LRP2: variants seen among roughly 807,000 people sequenced by gnomAD.
LRP2 encodes the protein LDL receptor related protein 2.
LRP2 carries 172 observed loss-of-function variants against 531.0 expected under a neutral mutation model. That is an observed-to-expected ratio of 0.32 (90% CI 0.29 to 0.37). LRP2 has a LOEUF of 0.37. Among genes scored for constraint, LRP2 ranks in the 10% least tolerant of loss-of-function variants. The pLI is 1.00. For synonymous variants in LRP2, 1,992 were observed against 2,027.6 expected (o/e 0.98, Z 0.47); for missense variants, 5,167 against 5,868.3 (o/e 0.88, Z 3.90).
chr2:169,261,840 C>T (rs980420565), intron 16 of LRP2, among the ~76,000 whole-genome samples: 6 of 152,002 alleles, frequency 3.9e-5, no homozygotes, highest in Admixed American at 3.9e-4. Context: ...ATGCAAAGAT[C>T]CTCAATAAAA....
rs572020855 is a variant in LRP2 at position 169,131,781 on chromosome 2, G to A, written c.13728+793C>T. Among the ~76,000 whole-genome samples the A allele has an allele frequency of 4.6e-5, 7 of 152,312 alleles. No homozygotes were observed. The South Asian group carries it at 6.2e-4, about 14-fold the overall frequency. On this transcript the variant is annotated intron_variant, in intron 77 of 78. Transcript: ENST00000649046. ...TCAATATGCCAATAGCGCCCCCAGT[G>A]AGAAATATTATTGAGGACTCTAGCC...
At chr2:169,215,765 A>ATATAGATCATATATAGAATCTATATAGAT (rs1688763770) in intron 35 of LRP2, among the ~76,000 whole-genome samples, 2 of 146,990 alleles carry the variant, frequency 1.4e-5, no homozygotes, top group Admixed American at 6.8e-5. Context: ...CATATATAGA[A>ATATAGATCATATATAGAATCTATATAGAT]TCTATATAGA....
chr2:169,203,596 C>G (rs1467431892), intron 42 of LRP2, among the ~76,000 whole-genome samples: 1 of 152,210 alleles, frequency 6.6e-6, no homozygotes, highest in East Asian at 1.9e-4. Flanking sequence ...CCCGTCTCTA[C>G]TAAAAATACA....
In LRP2 at chr2:169,219,055, G is replaced by A. The variant is rs543158457; in HGVS notation, c.5648+1399C>T. ...AAAGGTACACAATGCAGAAATGTCTGATAAACGAAAAACAAATAATGAGTG... is the reference window on the plus strand; with the variant it reads ...AAAGGTACACAATGCAGAAATGTCTAATAAACGAAAAACAAATAATGAGTG... On this transcript the variant is annotated intron_variant, in intron 34 of 78. Coordinates refer to ENST00000649046, the MANE Select transcript of LRP2 (RefSeq NM_004525.3). Among the ~76,000 whole-genome samples, 8 of 152,302 alleles carry A rather than the reference G, an allele frequency of 5.3e-5. No homozygotes were observed. In the South Asian group the frequency reaches 1.7e-3, roughly 32 times the overall value.
chr2:169,178,548 C>T (rs1287077090), intron 52 of LRP2, among the ~76,000 whole-genome samples: 3 of 152,182 alleles, frequency 2.0e-5, no homozygotes, highest in Non-Finnish European at 4.4e-5. Context: ...AACTTACAGG[C>T]CTGCAGGGTT....
chr2:169,243,045 T>C lies in LRP2; in HGVS notation c.3578A>G (p.Lys1193Arg). 1 of 1,613,936 alleles carries C rather than the reference T, an allele frequency of 6.2e-7. No homozygotes were observed. The highest frequency in any genetic ancestry group is 8.5e-7 in the Non-Finnish European group (1 of 1,179,846). ...AATACATTTATCCCCACTGGCACAC[T>C]TGAATTGAGAAGCAGTACAGTTTAA... Reference protein sequence around the residue: ...CVLNCTASQFKCASGDKCIGV... With the variant: ...CVLNCTASQFRCASGDKCIGV... Residue 1193 changes from lysine to arginine, a missense_variant, in exon 24 of 79, where the codon AAG becomes AGG. Lys to Arg is a conservative substitution (Grantham distance 26, BLOSUM62 2). This residue lies in a region of LRP2 where 2,811 missense variants were observed against 3,058.0 expected (regional missense o/e 0.92). Coordinates refer to ENST00000649046, the MANE Select transcript of LRP2 (RefSeq NM_004525.3).
intron 66 of LRP2, among the ~76,000 whole-genome samples, chr2:169,153,866 A>G (rs1010352645): frequency 2.6e-5 from 4 of 152,176 alleles, no homozygotes; most frequent in Admixed American, 6.5e-5. Context: ...TCATTCAACT[A>G]AATTTTTTGA....
At chr2:169,272,251 C>T (rs1683436759) in intron 15 of LRP2, among the ~76,000 whole-genome samples, 1 of 151,856 alleles carries the variant, frequency 6.6e-6, no homozygotes, top group Non-Finnish European at 1.5e-5. Flanking sequence ...TAGCTGGGGC[C>T]CAGGCGATGG....
chr2:169,361,523 C>G (rs1381245666), intron 1 of LRP2, among the ~76,000 whole-genome samples: 3 of 151,902 alleles, frequency 2.0e-5, no homozygotes. Flanking sequence ...GTTTTATTCT[C>G]TCCGCTTCTT....
chr2:169,161,207 TTC>T (rs1686574496), intron 63 of LRP2, among the ~76,000 whole-genome samples: 1 of 152,210 alleles, frequency 6.6e-6, no homozygotes, highest in African/African-American at 2.4e-5. Flanking sequence ...GCCTCTGACA[TTC>T]TGTGTGACCA....
At chr2:169,308,465 A>T (rs1041050192) in intron 3 of LRP2, among the ~76,000 whole-genome samples, 16 of 152,294 alleles carry the variant, frequency 1.1e-4, no homozygotes, top group African/African-American at 3.9e-4. Context: ...GAGTGAGAAC[A>T]TGCGGTGTTT....
At chr2:169,200,823 G>A (rs913683227) in intron 44 of LRP2, among the ~76,000 whole-genome samples, 1 of 152,026 alleles carries the variant, frequency 6.6e-6, no homozygotes, top group Non-Finnish European at 1.5e-5. Flanking sequence ...AGAAATAATG[G>A]GTTTACGGAA....
At chr2:169,352,818 AG>A (rs1280808647) in intron 1 of LRP2, among the ~76,000 whole-genome samples, 10 of 21,504 alleles carry the variant, frequency 4.7e-4, no homozygotes, top group Admixed American at 1.2e-3. Flanking sequence ...ACATGGTCAC[AG>A]GGGGGGGAAC....
rs372200860 is a variant in LRP2, at chr2:169,140,417, G to A, written c.13199+38C>T. ...AAGGTCTCAAATTTCCCCAGAAGAG[G>A]CAAGGCCTATAGCTGGGACCTCAAC... On this transcript the variant is annotated intron_variant, in intron 72 of 78. Coordinates refer to ENST00000649046, the MANE Select transcript of LRP2 (RefSeq NM_004525.3). 3.2e-5 allele frequency: 49 copies of A among 1,535,152 alleles called. No homozygotes were observed. The South Asian group carries it at 5.4e-4, about 17-fold the overall frequency.
intron 21 of LRP2, among the ~76,000 whole-genome samples, chr2:169,246,335 G>A (rs1489155616): frequency 6.6e-6 from 1 of 152,040 alleles, no homozygotes; most frequent in African/African-American, 2.4e-5. Context: ...TCAAACTTCT[G>A]GACTTAAGCA....
chr2:169,168,021 A>ATG, intron 61 of LRP2, among the ~76,000 whole-genome samples: 1 of 68,084 alleles, frequency 1.5e-5, no homozygotes, highest in Non-Finnish European at 3.1e-5. Flanking sequence ...GGTTTAAAAT[A>ATG]TATATATATA....
At chr2:169,244,328 A>G (rs183287943) in intron 22 of LRP2, among the ~76,000 whole-genome samples, 1 of 152,356 alleles carries the variant, frequency 6.6e-6, no homozygotes, top group Admixed American at 6.5e-5. Context: ...ATGAAAAAGA[A>G]ACATCAATAG....
intron 69 of LRP2, 117 bp from the exon 70 acceptor site, chr2:169,146,040 T>C (rs932314258): frequency 2.2e-6 from 2 of 926,178 alleles, no homozygotes; most frequent in Non-Finnish European, 3.4e-6. Flanking sequence ...CCTCATACAA[T>C]GCCTTGAAGC....
Position 169,237,223 on chromosome 2 carries a change from T to C in LRP2, c.4571A>G (p.Tyr1524Cys). 1 of 1,613,914 alleles carries C rather than the reference T, an allele frequency of 6.2e-7. No homozygotes were observed. Residue 1524 changes from tyrosine (Y) to cysteine (C), a missense_variant, in exon 28 of 79, where the codon TAC becomes TGC. Tyr to Cys is a radical substitution (Grantham distance 194, BLOSUM62 -2). Around this residue, in one of 6 missense-constraint regions of LRP2, gnomAD observed 2,811 missense variants for 3,058.0 expected, o/e 0.92. Coordinates refer to ENST00000649046, the MANE Select transcript of LRP2 (RefSeq NM_004525.3). ...IAIDWVGRNL[Y>C]WTDYALETIE... Reference sequence around the variant, plus strand: ...TGTTTCCAGAGCATAGTCTGTCCAGTAAAGATTACGACCTACCCAATCTAT... The same window carrying C: ...TGTTTCCAGAGCATAGTCTGTCCAGCAAAGATTACGACCTACCCAATCTAT...
Sources: allele counts gnomAD v4.1 joint callset (sites outside exome capture counted in the v4.1 genomes callset), GRCh38; gene constraint gnomAD v4.1.1; regional missense constraint gnomAD v4.1.1; transcripts MANE v1.5; gene names NCBI Gene and HGNC (gene_info 2026-07-23, HGNC 2026-07-21).